Variants in CD1B observed in about 807,000 individuals in gnomAD.
CD1B encodes the protein T-cell surface glycoprotein CD1b.
Under a neutral mutation model 39.8 loss-of-function variants are expected in CD1B, and 43 were observed. The observed-to-expected ratio is 1.08, with a 90% CI of 0.85 to 1.39. The LOEUF (loss-of-function observed/expected upper bound fraction) is 1.39, where lower values mean the gene tolerates loss of function less well. CD1B is among the 40% of genes most tolerant of loss of function. The probability of loss-of-function intolerance (pLI) is 0.00; values close to 1 mark genes in which losing one functional copy is unlikely to be tolerated. For synonymous variants in CD1B, 192 were observed against 152.5 expected (o/e 1.26, Z -1.91); for missense variants, 495 against 403.8 (o/e 1.23, Z -1.94).
the CD1B span, among the ~76,000 whole-genome samples, chr1:158,322,660 C>T: frequency 6.6e-6 from 1 of 152,000 alleles, no homozygotes; most frequent in South Asian, 2.1e-4. Flanking sequence ...GAAGAACTTC[C>T]TTTGTTATTT....
the CD1B span, among the ~76,000 whole-genome samples, chr1:158,312,472 A>G: frequency 6.6e-6 from 1 of 152,196 alleles, no homozygotes; most frequent in East Asian, 1.9e-4. Flanking sequence ...CTTTATTAGC[A>G]GGACGAAAAT....
At chr1:158,286,862 A>T in the CD1B span, among the ~76,000 whole-genome samples, 1 of 152,028 alleles carries the variant, frequency 6.6e-6, no homozygotes, top group Non-Finnish European at 1.5e-5. Flanking sequence ...TCACCCCTTA[A>T]TCTTTCCTCT....
chr1:158,304,633 G>C, the CD1B span, among the ~76,000 whole-genome samples: 1 of 152,172 alleles, frequency 6.6e-6, no homozygotes, highest in Non-Finnish European at 1.5e-5. Context: ...AATGGACAGA[G>C]TGACTCCTCA....
chr1:158,292,699 A>G, the CD1B span: 10 of 1,614,150 alleles, frequency 6.2e-6, no homozygotes, highest in Admixed American at 1.0e-4. Context: ...TTTGGGTGAC[A>G]TGGATGCGGA....
At chr1:158,292,626 C>G in the CD1B span, 31 of 1,612,958 alleles carry the variant, frequency 1.9e-5, no homozygotes, top group African/African-American at 2.7e-5. Flanking sequence ...TCCAGTCGCC[C>G]CAGCCTTGGG....
chr1:158,322,486 C>T, the CD1B span, among the ~76,000 whole-genome samples: 1 of 15,818 alleles, frequency 6.3e-5, no homozygotes, highest in Non-Finnish European at 1.0e-4. Context: ...AGGCTGAACT[C>T]AAATCCTTGG....
Position 158,328,124 on chromosome 1 carries a change from CTGAT to C in CD1B, c.*108_*111del, listed in dbSNP as rs751426252. The C allele has an allele frequency of 2.4e-6, 2 of 842,988 alleles. No individual in the cohort carries two copies. Among genetic ancestry groups the C allele is most frequent in the Non-Finnish European group, 3.9e-6 (2 of 514,308 alleles). 52.2% of individuals were successfully genotyped at this position (842,988 alleles called of 1,614,324 possible). On this transcript the variant is annotated 3_prime_UTR_variant, in exon 6 of 6. Coordinates refer to ENST00000368168, the MANE Select transcript of CD1B (RefSeq NM_001764.3). ...ATTTATTTTAAAATACATGAAAACT[CTGAT>C]TTCATCAAATTTGAAAATCATTTGA...
At chr1:158,291,557 C>T in the CD1B span, among the ~76,000 whole-genome samples, 2 of 152,112 alleles carry the variant, frequency 1.3e-5, no homozygotes, top group Non-Finnish European at 2.9e-5. Context: ...TTGACTCCCT[C>T]AAATTTCCTA....
chr1:158,320,661 A>G, the CD1B span, among the ~76,000 whole-genome samples: 2 of 151,888 alleles, frequency 1.3e-5, no homozygotes, highest in Non-Finnish European at 1.5e-5. Context: ...AGCTCTTCCT[A>G]TTTGGCCATC....
the CD1B span, among the ~76,000 whole-genome samples, chr1:158,298,453 T>C: frequency 2.0e-5 from 3 of 152,184 alleles, no homozygotes; most frequent in African/African-American, 7.2e-5. Flanking sequence ...ATTCTTCCCA[T>C]GCCTCCAGCT....
intron 2 of CD1B, 150 bp from the exon 3 acceptor site, chr1:158,330,280 T>C: frequency 2.7e-6 from 2 of 748,358 alleles, no homozygotes; most frequent in Non-Finnish European, 2.2e-6. Flanking sequence ...ATTTAGACAT[T>C]TTCAGAAACA....
intron 5 of CD1B, 51 bp downstream of exon 5, chr1:158,328,870 G>T: frequency 1.6e-6 from 2 of 1,254,004 alleles, no homozygotes; most frequent in Non-Finnish European, 2.3e-6. Flanking sequence ...CAGTGGAAGG[G>T]TGAACAGAAA....
chr1:158,297,251 C>A, the CD1B span, among the ~76,000 whole-genome samples: 4 of 152,150 alleles, frequency 2.6e-5, no homozygotes, highest in Admixed American at 6.5e-5. Context: ...TAACAGCATA[C>A]CTTTCAGCAG....
the CD1B span, among the ~76,000 whole-genome samples, chr1:158,300,553 T>C: frequency 6.6e-6 from 1 of 152,120 alleles, no homozygotes; most frequent in Non-Finnish European, 1.5e-5. Context: ...TTCTGTCTTG[T>C]TGATCTGCCT....
At chr1:158,306,163 G>A in the CD1B span, among the ~76,000 whole-genome samples, 1 of 152,170 alleles carries the variant, frequency 6.6e-6, no homozygotes, top group Non-Finnish European at 1.5e-5. Context: ...AGACCCATCA[G>A]TGTGCTGTAT....
chr1:158,319,410 C>G, the CD1B span, among the ~76,000 whole-genome samples: 1 of 152,114 alleles, frequency 6.6e-6, no homozygotes, highest in African/African-American at 2.4e-5. Flanking sequence ...TCATTTCATT[C>G]ATTTCATCTT....
chr1:158,329,952 A>C lies in CD1B; in HGVS notation c.507T>G (p.Tyr169Ter), dbSNP rs1200006661. The change falls in exon 3 of 6, where the codon TAT becomes TAG. Residue 169 changes from tyrosine (Y) to a stop codon, truncating the protein, a stop_gained. Transcript: ENST00000368168. LOFTEE classifies it high-confidence loss of function. ...AQKFCALIIQ[Y>*]QGIMETVRIL... is the part of the protein sequence containing the mutation. ...TTCTCACAGTTTCCATGATACCTTG[A>C]TATTGTATGATTAGTGCACAGAATT... is the stretch of plus-strand genomic sequence containing the variant. 6.2e-7 allele frequency: 1 copy of C among 1,613,980 alleles called. No individual in the cohort carries two copies. The highest frequency in any genetic ancestry group is 1.1e-5 in the South Asian group (1 of 91,074).
chr1:158,319,280 C>G, the CD1B span, among the ~76,000 whole-genome samples: 2 of 151,928 alleles, frequency 1.3e-5, no homozygotes, highest in African/African-American at 4.8e-5. Context: ...GTTCCATTCT[C>G]CCCGTCACTT....
At chr1:158,327,887 A>G (rs1571184924), downstream of CD1B, 1 of 185,714 alleles carries the variant, frequency 5.4e-6, no homozygotes, top group East Asian at 1.4e-4. Flanking sequence ...TCTTTGACAA[A>G]TGATATTTAA....
Sources: allele counts gnomAD v4.1 joint callset (sites outside exome capture counted in the v4.1 genomes callset), GRCh38; gene constraint gnomAD v4.1.1; transcripts MANE v1.5; gene names NCBI Gene and HGNC (gene_info 2026-07-23, HGNC 2026-07-21).